TEAD1: variants seen among roughly 807,000 people sequenced by gnomAD.
TEAD1 encodes transcriptional enhancer factor TEF-1.
In TEAD1, 9 loss-of-function variants were observed where a neutral mutation model predicts 54.9. The observed-to-expected ratio is 0.16, with a 90% CI of 0.10 to 0.29. The LOEUF (loss-of-function observed/expected upper bound fraction) is 0.29, where lower values mean the gene tolerates loss of function less well. Ranked by LOEUF, TEAD1 falls within the 10% of genes least tolerant of loss-of-function variation. TEAD1 has a pLI of 1.00. For missense variants in TEAD1, 387 were observed against 535.9 expected (o/e 0.72, Z 2.74); for synonymous variants, 200 against 187.8 (o/e 1.07, Z -0.53).
rs1251273507 is a variant in TEAD1 at position 12,713,737 on chromosome 11, G to A, written c.-55+38176G>A. 2.0e-5 allele frequency among the ~76,000 whole-genome samples: 3 copies of A among 152,170 alleles called. No homozygotes were observed. In the East Asian group the frequency reaches 5.8e-4, roughly 29 times the overall value. On this transcript the variant is annotated intron_variant, in intron 2 of 12. Coordinates refer to ENST00000527636, the MANE Select transcript of TEAD1 (RefSeq NM_021961.6). ...TACAGTGATGCTAGGGTTAGTTAGA[G>A]CAGCGTCTCAGTGACCTCATAGGAC...
At chr11:12,823,942 A>T (rs985643145) in intron 3 of TEAD1, among the ~76,000 whole-genome samples, 3 of 152,136 alleles carry the variant, frequency 2.0e-5, no homozygotes, top group Non-Finnish European at 2.9e-5. Flanking sequence ...CACCTACCCT[A>T]CCCCAGGGAG....
intron 9 of TEAD1, among the ~76,000 whole-genome samples, chr11:12,895,731 C>T (rs1948303215): frequency 6.6e-6 from 1 of 152,228 alleles, no homozygotes; most frequent in East Asian, 1.9e-4. Context: ...TCTGCTCCTT[C>T]ATGGCTCCTC....
chr11:12,782,291 CT>C (rs1945573097), intron 3 of TEAD1, among the ~76,000 whole-genome samples: 2 of 152,132 alleles, frequency 1.3e-5, no homozygotes, highest in Admixed American at 1.3e-4. Flanking sequence ...GGAATGAAGT[CT>C]TAATATGTAC....
At position 12,735,874 on chromosome 11, in the gene TEAD1, G is replaced by T. The variant is rs111512712; in HGVS notation, c.-54-28305G>T. 2.2e-3 allele frequency among the ~76,000 whole-genome samples: 342 copies of T among 152,276 alleles called. 1 individual carries two copies. Among genetic ancestry groups the T allele is most frequent in the African/African-American group, 7.4e-3 (307 of 41,550 alleles). On this transcript the variant is annotated intron_variant, in intron 2 of 12. Coordinates refer to ENST00000527636, the MANE Select transcript of TEAD1 (RefSeq NM_021961.6). ...GAACCCTGCCTGAAGTTGGCTGCAT[G>T]CTTGTTTAAGGCTAATTGAACAAAT... is the stretch of plus-strand genomic sequence containing the variant.
chr11:12,846,615 A>C (rs1005471384), intron 3 of TEAD1, among the ~76,000 whole-genome samples: 3 of 152,138 alleles, frequency 2.0e-5, no homozygotes, highest in African/African-American at 4.8e-5. Flanking sequence ...ACTGAGAATA[A>C]GGCCCTGAGT....
At chr11:12,905,833 G>C (rs1183317892) in intron 10 of TEAD1, among the ~76,000 whole-genome samples, 2 of 152,172 alleles carry the variant, frequency 1.3e-5, no homozygotes, top group Non-Finnish European at 2.9e-5. Flanking sequence ...TTGGTTTTCA[G>C]AATATCTGCT....
At chr11:12,790,722 C>T (rs1325514924) in intron 3 of TEAD1, among the ~76,000 whole-genome samples, 1 of 152,274 alleles carries the variant, frequency 6.6e-6, no homozygotes, top group African/African-American at 2.4e-5. Flanking sequence ...TAAGCATCTT[C>T]TGTATAAAGA....
In TEAD1 at chr11:12,939,369, G is replaced by A. The variant is rs1449305596; in HGVS notation, c.*2147G>A. The A allele has an allele frequency of 3.9e-5, 6 of 152,268 alleles. No homozygotes were observed. The highest frequency in any genetic ancestry group is 3.9e-4 in the Admixed American group (6 of 15,280). 9.4% of individuals were successfully genotyped at this position (152,268 alleles called of 1,614,324 possible). A position where few individuals can be genotyped will look rare whatever the true frequency, so the allele number is the denominator to read the frequency against. On this transcript the variant is annotated 3_prime_UTR_variant, in exon 13 of 13. Transcript: ENST00000527636. ...TAAGGGAAGCCCCATCCTCTCCCAGGACCAGGAGTTTATGACCAGGCGAGC... is the reference window on the plus strand; with the variant it reads ...TAAGGGAAGCCCCATCCTCTCCCAGAACCAGGAGTTTATGACCAGGCGAGC...
intron 10 of TEAD1, among the ~76,000 whole-genome samples, chr11:12,913,076 A>G (rs896293363): frequency 3.3e-5 from 5 of 152,172 alleles, no homozygotes; most frequent in Admixed American, 1.3e-4. Context: ...GAAAGAATTG[A>G]TGTGCCATAG....
intron 3 of TEAD1, among the ~76,000 whole-genome samples, chr11:12,781,026 A>T (rs1027942544): frequency 6.6e-6 from 1 of 152,240 alleles, no homozygotes; most frequent in Non-Finnish European, 1.5e-5. Flanking sequence ...GAGTAGAATC[A>T]CAAGTCCAGA....
intron 3 of TEAD1, among the ~76,000 whole-genome samples, chr11:12,840,507 A>C (rs1947012963): frequency 6.6e-6 from 1 of 152,160 alleles, no homozygotes; most frequent in Non-Finnish European, 1.5e-5. Context: ...GTTTCTGCGT[A>C]ATAGTCTTTC....
At chr11:12,755,943 A>G (rs1010960088) in intron 2 of TEAD1, among the ~76,000 whole-genome samples, 2 of 152,290 alleles carry the variant, frequency 1.3e-5, no homozygotes, top group Non-Finnish European at 2.9e-5. Context: ...CAGATTCATT[A>G]AGGGGATGGG....
chr11:12,705,103 T>C (rs1943786180), intron 2 of TEAD1, among the ~76,000 whole-genome samples: 1 of 152,204 alleles, frequency 6.6e-6, no homozygotes, highest in South Asian at 2.1e-4. Context: ...ATACTACTCT[T>C]AAAGCTGAAC....
chr11:12,935,898 A>G (rs1289365307), intron 12 of TEAD1, among the ~76,000 whole-genome samples: 1 of 152,194 alleles, frequency 6.6e-6, no homozygotes, highest in African/African-American at 2.4e-5. Context: ...GTATGTGTTT[A>G]CCAACTGTAT....
intron 10 of TEAD1, among the ~76,000 whole-genome samples, chr11:12,910,557 T>G (rs755244533): frequency 5.9e-5 from 9 of 152,186 alleles, no homozygotes; most frequent in Admixed American, 2.0e-4. Flanking sequence ...TGTTGCCAGG[T>G]TATAACAAAT....
intron 9 of TEAD1, among the ~76,000 whole-genome samples, chr11:12,899,607 A>T (rs997511691): frequency 1.3e-5 from 2 of 152,050 alleles, no homozygotes; most frequent in Non-Finnish European, 2.9e-5. Flanking sequence ...TCCCTAACAC[A>T]ATGGCTTTTA....
intron 2 of TEAD1, among the ~76,000 whole-genome samples, chr11:12,748,916 A>AG (rs1310057137): frequency 4.0e-5 from 6 of 151,870 alleles, no homozygotes; most frequent in Non-Finnish European, 7.4e-5. Context: ...TTAGATCAGG[A>AG]GGGGAGGAGG....
chr11:12,797,584 T>A (rs1342531723), intron 3 of TEAD1, among the ~76,000 whole-genome samples: 2 of 152,014 alleles, frequency 1.3e-5, no homozygotes, highest in African/African-American at 4.8e-5. Flanking sequence ...AAACTAACCT[T>A]TCTTCCTCTT....
chr11:12,875,770 C>G (rs1291903264), intron 5 of TEAD1, among the ~76,000 whole-genome samples: 1 of 152,168 alleles, frequency 6.6e-6, no homozygotes, highest in African/African-American at 2.4e-5. Context: ...TCTATTAGGA[C>G]AGCAGACCAA....
Sources: gnomAD v4.1 joint callset for allele counts (sites outside exome capture counted in the v4.1 genomes callset) on GRCh38, gnomAD v4.1.1 for gene constraint, MANE v1.5 for transcripts, NCBI Gene and HGNC (gene_info 2026-07-23, HGNC 2026-07-21) for gene names.